GRM7: variants seen among roughly 807,000 people sequenced by gnomAD.
GRM7 encodes the protein glutamate metabotropic receptor 7.
A neutral mutation model predicts 84.5 loss-of-function variants in GRM7; 35 were observed. The observed-to-expected ratio is 0.41, with a 90% CI of 0.32 to 0.55. GRM7 has a LOEUF of 0.55. GRM7 is among the 20% of genes least tolerant of loss of function. GRM7 has a pLI of 0.19. For missense variants in GRM7, 1,003 were observed against 1,194.6 expected, an observed-to-expected ratio of 0.84 and a Z score of 2.36; for synonymous variants, 487 against 455.1, an observed-to-expected ratio of 1.07 and a Z score of -0.89.
chr3:7,370,933 A>G (rs1336413011), intron 4 of GRM7, among the ~76,000 whole-genome samples: 1 of 152,164 alleles, frequency 6.6e-6, no homozygotes, highest in Non-Finnish European at 1.5e-5. Flanking sequence ...AAATTAATCT[A>G]TGCTTACATT....
At chr3:7,223,627 T>C (rs1276494953) in intron 2 of GRM7, among the ~76,000 whole-genome samples, 3 of 152,204 alleles carry the variant, frequency 2.0e-5, no homozygotes, top group Non-Finnish European at 2.9e-5. Flanking sequence ...TATACTCATC[T>C]GTACATGTGA....
intron 6 of GRM7, among the ~76,000 whole-genome samples, chr3:7,453,664 C>T (rs1697874176): frequency 6.6e-6 from 1 of 152,114 alleles, no homozygotes; most frequent in Non-Finnish European, 1.5e-5. Flanking sequence ...AGTTCTTGCT[C>T]ACTTTCCTGT....
intron 1 of GRM7, among the ~76,000 whole-genome samples, chr3:6,891,929 TTTCTTTTTA>T (rs1485767353): frequency 6.6e-6 from 1 of 152,188 alleles, no homozygotes; most frequent in African/African-American, 2.4e-5. Flanking sequence ...GCTTTGTTCA[TTTCTTTTTA>T]TTCTTTTTTC....
At chr3:6,968,561 C>T (rs372553817) in intron 1 of GRM7, among the ~76,000 whole-genome samples, 4 of 152,172 alleles carry the variant, frequency 2.6e-5, no homozygotes, top group South Asian at 4.1e-4. Flanking sequence ...CTTATTGCAA[C>T]ATTAAGTTGG....
At chr3:7,514,125 G>A (rs1022833683) in intron 7 of GRM7, among the ~76,000 whole-genome samples, 4 of 152,232 alleles carry the variant, frequency 2.6e-5, no homozygotes, top group South Asian at 2.1e-4. Context: ...GAAAAAACCC[G>A]GCATGTAGTT....
chr3:7,276,100 A>G (rs1699040676), intron 2 of GRM7, among the ~76,000 whole-genome samples: 1 of 151,670 alleles, frequency 6.6e-6, no homozygotes, highest in African/African-American at 2.4e-5. Flanking sequence ...TTGGTATTTC[A>G]TTATTCTTTT....
intron 4 of GRM7, among the ~76,000 whole-genome samples, chr3:7,319,038 C>T (rs1700679298): frequency 6.6e-6 from 1 of 152,022 alleles, no homozygotes; most frequent in African/African-American, 2.4e-5. Flanking sequence ...TTGCCTTCAA[C>T]AAACTTTAAT....
At chr3:7,649,606 C>G (rs183580370) in intron 8 of GRM7, among the ~76,000 whole-genome samples, 4 of 152,022 alleles carry the variant, frequency 2.6e-5, no homozygotes, top group Non-Finnish European at 5.9e-5. Flanking sequence ...ACACATACCC[C>G]CTTGCTAACT....
intron 2 of GRM7, among the ~76,000 whole-genome samples, chr3:7,174,572 A>T (rs1052354490): frequency 7.2e-5 from 11 of 152,200 alleles, no homozygotes; most frequent in African/African-American, 2.7e-4. Flanking sequence ...GTTTATTTCT[A>T]GTTGTTGTCC....
intron 1 of GRM7, among the ~76,000 whole-genome samples, chr3:6,898,729 C>T (rs1696278779): frequency 6.6e-6 from 1 of 151,640 alleles, no homozygotes; most frequent in Non-Finnish European, 1.5e-5. Context: ...CTCCCAGCTA[C>T]TCTGGAGGCG....
intron 1 of GRM7, among the ~76,000 whole-genome samples, chr3:6,975,634 A>T (rs1419224450): frequency 6.6e-6 from 1 of 152,196 alleles, no homozygotes; most frequent in African/African-American, 2.4e-5. Flanking sequence ...CCTTTATTTT[A>T]TATGTGCTTA....
Position 7,392,203 on chromosome 3 carries a change from C to T in GRM7, c.1034-22820C>T, listed in dbSNP as rs138945616. ...TCCCCCAACTGACCAAGGGAGCAGACTAGAACACTGAGCAATGACACTCAC... is the reference window on the plus strand; with the variant it reads ...TCCCCCAACTGACCAAGGGAGCAGATTAGAACACTGAGCAATGACACTCAC... On this transcript the variant is annotated intron_variant, in intron 4 of 9. Coordinates refer to ENST00000357716, the MANE Select transcript of GRM7 (RefSeq NM_000844.4). 2.8e-3 allele frequency among the ~76,000 whole-genome samples: 424 copies of T among 152,284 alleles called. 1 individual carries two copies. Among genetic ancestry groups the T allele is most frequent in the Admixed American group, 3.8e-3 (58 of 15,298 alleles).
intron 8 of GRM7, among the ~76,000 whole-genome samples, chr3:7,627,856 C>A (rs1463911761): frequency 6.6e-6 from 1 of 152,066 alleles, no homozygotes; most frequent in South Asian, 2.1e-4. Context: ...ATAAGGCTAC[C>A]AGTTATATTA....
intron 4 of GRM7, among the ~76,000 whole-genome samples, chr3:7,313,143 G>C (rs1011571935): frequency 6.6e-6 from 1 of 151,834 alleles, no homozygotes; most frequent in Admixed American, 6.6e-5. Context: ...TGGTCAGGCT[G>C]GTCTCAAACT....
At chr3:7,511,917 G>A (rs1401565549) in intron 7 of GRM7, among the ~76,000 whole-genome samples, 1 of 152,144 alleles carries the variant, frequency 6.6e-6, no homozygotes, top group Non-Finnish European at 1.5e-5. Context: ...TGAGGTGGGA[G>A]AATTATTTGA....
At chr3:7,298,214 C>A (rs754843191) in intron 2 of GRM7, among the ~76,000 whole-genome samples, 11 of 151,918 alleles carry the variant, frequency 7.2e-5, no homozygotes, top group Non-Finnish European at 1.3e-4. Context: ...TGGAATTGAT[C>A]TTTAAAAATA....
intron 8 of GRM7, among the ~76,000 whole-genome samples, chr3:7,613,531 G>A (rs1449371801): frequency 2.0e-5 from 3 of 152,130 alleles, no homozygotes; most frequent in African/African-American, 7.2e-5. Flanking sequence ...AAGTGGAGAA[G>A]AAAATGCTCA....
intron 1 of GRM7, among the ~76,000 whole-genome samples, chr3:6,924,334 A>T (rs1294071375): frequency 6.6e-6 from 1 of 152,178 alleles, no homozygotes; most frequent in African/African-American, 2.4e-5. Flanking sequence ...ATAAAATGAG[A>T]AGCATTTTGA....
rs371388970 is a variant in GRM7 at position 7,315,023 on chromosome 3, G to GT, written c.1033+8382dup. Among the ~76,000 whole-genome samples, 1,034 of 144,838 alleles carry GT rather than the reference G, an allele frequency of 7.1e-3. 10 individuals are homozygous for GT. The highest frequency in any genetic ancestry group is 0.022 in the African/African-American group (884 of 39,898). On this transcript the variant is annotated intron_variant, in intron 4 of 9. Transcript: ENST00000357716. ...TTGTCATGTGTGATTACTGAAATCT[G>GT]TTTTTTTTTTTAACCTTATATTCAG...
Sources: allele counts gnomAD v4.1 joint callset (sites outside exome capture counted in the v4.1 genomes callset), GRCh38; gene constraint gnomAD v4.1.1; transcripts MANE v1.5; gene names NCBI Gene and HGNC (gene_info 2026-07-23, HGNC 2026-07-21).